ARK2C: variants seen among roughly 807,000 people sequenced by gnomAD.
ARK2C encodes E3 ubiquitin-protein ligase ARK2C.
chr18:46,391,131 T>C, the ARK2C span, among the ~76,000 whole-genome samples: 1 of 152,148 alleles, frequency 6.6e-6, no homozygotes, highest in Non-Finnish European at 1.5e-5. Context: ...ATGGCACCAA[T>C]CGCCTCCATA....
chr18:46,377,406 A>G, the ARK2C span, among the ~76,000 whole-genome samples: 1 of 152,178 alleles, frequency 6.6e-6, no homozygotes, highest in South Asian at 2.1e-4. Flanking sequence ...GAACAGACAA[A>G]TAAAAAGCAG....
At chr18:46,424,242 G>C in the ARK2C span, among the ~76,000 whole-genome samples, 2 of 152,238 alleles carry the variant, frequency 1.3e-5, no homozygotes, top group Non-Finnish European at 2.9e-5. Context: ...TGGCAAAGCA[G>C]GGTGGCAGTG....
At chr18:46,375,030 C>A in the ARK2C span, among the ~76,000 whole-genome samples, 1 of 152,138 alleles carries the variant, frequency 6.6e-6, no homozygotes, top group Non-Finnish European at 1.5e-5. Context: ...GGTGGAGGAC[C>A]AGAGAGAGGC....
At chr18:46,336,368 C>A in the ARK2C span, 1 of 974,462 alleles carries the variant, frequency 1.0e-6, no homozygotes, top group East Asian at 1.2e-4. Context: ...ACTACCTTCT[C>A]CCTCACCCCC....
the ARK2C span, chr18:46,435,370 C>G: frequency 1.2e-6 from 2 of 1,613,834 alleles, no homozygotes; most frequent in Non-Finnish European, 1.7e-6. Context: ...CACCTCAGCC[C>G]AGGTATTTGG....
the ARK2C span, among the ~76,000 whole-genome samples, chr18:46,362,826 A>G: frequency 6.6e-6 from 1 of 152,298 alleles, no homozygotes; most frequent in South Asian, 2.1e-4. Context: ...AACATACGAG[A>G]GCCAAGAGGA....
chr18:46,365,083 G>A, the ARK2C span, among the ~76,000 whole-genome samples: 2 of 152,154 alleles, frequency 1.3e-5, no homozygotes, highest in Non-Finnish European at 2.9e-5. Context: ...TGATATTCCT[G>A]CTTTATCACC....
the ARK2C span, chr18:46,458,260 A>G: frequency 6.5e-6 from 1 of 152,742 alleles, no homozygotes; most frequent in Non-Finnish European, 1.5e-5. Context: ...GAGCAGAGAG[A>G]TAAGAGGACA....
At chr18:46,367,435 G>A in the ARK2C span, among the ~76,000 whole-genome samples, 6 of 152,116 alleles carry the variant, frequency 3.9e-5, no homozygotes, top group African/African-American at 4.8e-5. Context: ...AAAAGAAGCC[G>A]TCTCCTTCTT....
chr18:46,382,499 A>G, the ARK2C span, among the ~76,000 whole-genome samples: 1 of 152,208 alleles, frequency 6.6e-6, no homozygotes, highest in Non-Finnish European at 1.5e-5. Flanking sequence ...TTTAAAAATC[A>G]ATACATTCAT....
the ARK2C span, among the ~76,000 whole-genome samples, chr18:46,427,767 C>T: frequency 6.6e-6 from 1 of 152,198 alleles, no homozygotes; most frequent in African/African-American, 2.4e-5. Flanking sequence ...GACACGAAGC[C>T]CAGCCTGGTG....
the ARK2C span, among the ~76,000 whole-genome samples, chr18:46,449,610 G>A: frequency 3.3e-5 from 5 of 152,008 alleles, no homozygotes; most frequent in Admixed American, 3.3e-4. Context: ...ATCATGTGGG[G>A]GCAGTTTCCC....
the ARK2C span, among the ~76,000 whole-genome samples, chr18:46,377,940 G>T: frequency 1.3e-5 from 2 of 152,082 alleles, no homozygotes; most frequent in Admixed American, 1.3e-4. Flanking sequence ...GGGCAGGAAG[G>T]CTGCTATGGA....
the ARK2C span, chr18:46,455,876 C>A: frequency 1.5e-6 from 1 of 680,462 alleles, no homozygotes; most frequent in Non-Finnish European, 2.6e-6. Context: ...CTTTAAAAAA[C>A]CTGACTCCCA....
the ARK2C span, among the ~76,000 whole-genome samples, chr18:46,346,705 C>T: frequency 0.011 from 1,620 of 152,234 alleles, 25 homozygotes; most frequent in African/African-American, 0.037. Flanking sequence ...ACGAGACACC[C>T]GAAATCCTGG....
chr18:46,358,461 G>A, the ARK2C span, among the ~76,000 whole-genome samples: 1 of 152,194 alleles, frequency 6.6e-6, no homozygotes, highest in Admixed American at 6.5e-5. Flanking sequence ...TGAGGCCACG[G>A]CAATTTTGAA....
At chr18:46,418,450 A>C in the ARK2C span, among the ~76,000 whole-genome samples, 1 of 152,348 alleles carries the variant, frequency 6.6e-6, no homozygotes, top group African/African-American at 2.4e-5. Context: ...TTAATTTTAA[A>C]AGTTACTAAT....
At chr18:46,360,580 C>T in the ARK2C span, among the ~76,000 whole-genome samples, 5 of 152,210 alleles carry the variant, frequency 3.3e-5, no homozygotes, top group African/African-American at 9.6e-5. Flanking sequence ...TCTCTCTTCT[C>T]CTCTCCTCTT....
At chr18:46,367,937 G>A in the ARK2C span, among the ~76,000 whole-genome samples, 40 of 152,316 alleles carry the variant, frequency 2.6e-4, no homozygotes, top group African/African-American at 8.7e-4. Flanking sequence ...GCCCAGTTAC[G>A]GTTGAGAATC....
Sources: gnomAD v4.1 joint callset for allele counts (sites outside exome capture counted in the v4.1 genomes callset) on GRCh38, gnomAD v4.1.1 for gene constraint, MANE v1.5 for transcripts, NCBI Gene and HGNC (gene_info 2026-07-23, HGNC 2026-07-21) for gene names.